The following CNOT2 variants were observed in gnomAD, a reference collection of about 807,000 sequenced individuals.
CNOT2 encodes the protein CCR4-NOT transcription complex subunit 2.
CNOT2 carries 7 observed loss-of-function variants against 72.1 expected under a neutral mutation model. That is an observed-to-expected ratio of 0.10 (90% CI 0.06 to 0.18). The LOEUF is 0.18. Among genes scored for constraint, CNOT2 ranks in the 10% least tolerant of loss-of-function variants. CNOT2 has a pLI of 1.00. For missense variants in CNOT2, 345 were observed against 660.3 expected (o/e 0.52, Z 5.23); for synonymous variants, 196 against 225.6 (o/e 0.87, Z 1.17).
At chr12:70,284,924 T>A (rs894325933) in intron 2 of CNOT2, among the ~76,000 whole-genome samples, 4 of 152,230 alleles carry the variant, frequency 2.6e-5, no homozygotes, top group Non-Finnish European at 5.9e-5. Flanking sequence ...TATATTCATA[T>A]GATTATCTGA....
intron 5 of CNOT2, 31 bp downstream of exon 5, chr12:70,329,601 A>G: frequency 2.0e-6 from 3 of 1,537,200 alleles, no homozygotes; most frequent in South Asian, 1.1e-5. Flanking sequence ...ATATTTTTCA[A>G]AATGTATCTT....
intron 2 of CNOT2, among the ~76,000 whole-genome samples, chr12:70,283,059 C>T (rs1870152915): frequency 6.6e-6 from 1 of 152,038 alleles, no homozygotes; most frequent in Admixed American, 6.6e-5. Context: ...TCAGATAATA[C>T]TTTTTCTTTT....
At chr12:70,274,954 G>A (rs759274236) in intron 1 of CNOT2, among the ~76,000 whole-genome samples, 1 of 152,102 alleles carries the variant, frequency 6.6e-6, no homozygotes, top group Non-Finnish European at 1.5e-5. Flanking sequence ...CTGGAATGAA[G>A]TACATCTTCA....
At chr12:70,266,338 G>A (rs1959043170) in intron 1 of CNOT2, among the ~76,000 whole-genome samples, 1 of 152,116 alleles carries the variant, frequency 6.6e-6, no homozygotes. Context: ...GGTCAGACTT[G>A]CCTCAAACTC....
At chr12:70,267,523 A>G (rs1959107833) in intron 1 of CNOT2, among the ~76,000 whole-genome samples, 1 of 152,204 alleles carries the variant, frequency 6.6e-6, no homozygotes, top group African/African-American at 2.4e-5. Flanking sequence ...GTGGCCAAAT[A>G]AGGTGAAATT....
intron 1 of CNOT2, among the ~76,000 whole-genome samples, chr12:70,255,284 G>A (rs906889668): frequency 1.3e-5 from 2 of 152,158 alleles, no homozygotes; most frequent in Non-Finnish European, 2.9e-5. Context: ...TTAGCCAAGT[G>A]TATTTTTTGT....
intron 2 of CNOT2, among the ~76,000 whole-genome samples, chr12:70,291,653 G>T (rs1227908560): frequency 6.6e-6 from 1 of 152,076 alleles, no homozygotes; most frequent in Non-Finnish European, 1.5e-5. Context: ...AAACACCATG[G>T]TAGGCCAGGC....
intron 3 of CNOT2, among the ~76,000 whole-genome samples, chr12:70,315,815 C>T (rs959943551): frequency 3.0e-4 from 45 of 152,264 alleles, no homozygotes; most frequent in African/African-American, 1.0e-3. Context: ...CCGTTTGCCA[C>T]TCTTAAGAGC....
At chr12:70,249,872 C>T (rs577642231) in intron 1 of CNOT2, among the ~76,000 whole-genome samples, 2 of 151,994 alleles carry the variant, frequency 1.3e-5, no homozygotes, top group African/African-American at 2.4e-5. Flanking sequence ...AATCATATGC[C>T]GAACAGATTA....
At chr12:70,345,957 T>G (rs751543181) in intron 14 of CNOT2, 8 of 396,212 alleles carry the variant, frequency 2.0e-5, no homozygotes, top group Non-Finnish European at 3.5e-5. Context: ...TAAATAAAAG[T>G]GTGTGTATTA....
intron 1 of CNOT2, among the ~76,000 whole-genome samples, chr12:70,270,051 C>CA (rs1464822184): frequency 1.3e-5 from 2 of 152,084 alleles, no homozygotes; most frequent in African/African-American, 4.8e-5. Context: ...TTGGCAAACA[C>CA]AGAGTTTTAT....
chr12:70,285,216 GTT>G (rs1172661205), intron 2 of CNOT2, among the ~76,000 whole-genome samples: 1 of 143,970 alleles, frequency 6.9e-6, no homozygotes. Flanking sequence ...TTTTGTTTTT[GTT>G]TTTTTTTTTT....
intron 8 of CNOT2, chr12:70,336,137 T>C (rs1007390333): frequency 1.3e-5 from 2 of 152,230 alleles, no homozygotes; most frequent in South Asian, 2.1e-4. Context: ...ATAGCCTCTA[T>C]TGTGACAGAC....
At chr12:70,349,975 TCC>T (rs1172312927) in intron 15 of CNOT2, among the ~76,000 whole-genome samples, 1 of 152,096 alleles carries the variant, frequency 6.6e-6, no homozygotes, top group East Asian at 1.9e-4. Context: ...ATCACTATAC[TCC>T]AGCCCAGGTG....
intron 8 of CNOT2, 111 bp from the exon 9 acceptor site, chr12:70,337,278 T>TA (rs1389281657): frequency 9.4e-4 from 779 of 829,706 alleles, no homozygotes; most frequent in South Asian, 1.2e-3. Flanking sequence ...TTCATAGCAT[T>TA]AAAAAAAAGA....
At position 70,310,966 on chromosome 12, in the gene CNOT2, A is replaced by G. The variant is rs1243679833; in HGVS notation, c.120A>G (p.Glu40=). ...VEGVDSDYHD[E]NMYYSQSSMF... Reference sequence around the variant, plus strand: ...GGGTCGACAGTGACTACCATGACGAAAACATGTACTACAGCCAGTCTTCTA... The same window carrying G: ...GGGTCGACAGTGACTACCATGACGAGAACATGTACTACAGCCAGTCTTCTA... Residue 40 remains glutamate (E), a synonymous_variant, in exon 3 of 16, where the codon GAA becomes GAG. Transcript: ENST00000229195. The G allele has an allele frequency of 4.4e-6, 7 of 1,603,258 alleles. No individual in the cohort carries two copies. Among genetic ancestry groups the G allele is most frequent in the Non-Finnish European group, 6.0e-6 (7 of 1,170,534 alleles).
rs2135714138 is a variant in CNOT2, at chr12:70,254,970, G to C, written c.-96+11490G>C. 2.6e-5 allele frequency among the ~76,000 whole-genome samples: 3 copies of C among 117,484 alleles called. 1 individual carries two copies. The highest frequency in any genetic ancestry group is 1.0e-4 in the African/African-American group (3 of 29,690). 77.1% of individuals were successfully genotyped at this position (117,484 alleles called of 152,430 possible). A position where few individuals can be genotyped will look rare whatever the true frequency, so the allele number is the denominator to read the frequency against. ...TACACCAGCCTGGGTGACAGAGCAA[G>C]ACTGCATCTCAAAAAAAAAAAAAAA... On this transcript the variant is annotated intron_variant, in intron 1 of 15. Transcript: ENST00000229195.
intron 1 of CNOT2, among the ~76,000 whole-genome samples, chr12:70,261,019 A>G (rs1282532365): frequency 6.6e-6 from 1 of 151,228 alleles, no homozygotes; most frequent in Non-Finnish European, 1.5e-5. Flanking sequence ...TTTTTTTTCC[A>G]TGGATACCTT....
At chr12:70,319,173 T>A in intron 3 of CNOT2, 125 bp from the exon 4 acceptor site, 1 of 730,036 alleles carries the variant, frequency 1.4e-6, no homozygotes, top group Non-Finnish European at 2.2e-6. Flanking sequence ...TTGTTTTATG[T>A]TTTTCTGAAG....
Sources: allele counts gnomAD v4.1 joint callset (sites outside exome capture counted in the v4.1 genomes callset), GRCh38; gene constraint gnomAD v4.1.1; transcripts MANE v1.5; gene names NCBI Gene and HGNC (gene_info 2026-07-23, HGNC 2026-07-21).